The following PCBP3 variants were observed in gnomAD, a reference collection of about 807,000 sequenced individuals.
The protein encoded by PCBP3 is poly(rC) binding protein 3.
Under a neutral mutation model 52.7 loss-of-function variants are expected in PCBP3, and 25 were observed. The ratio of observed to expected loss-of-function variants is 0.47; its 90% CI spans 0.35 to 0.66. The LOEUF is 0.66. Among genes scored for constraint, PCBP3 ranks in the 30% least tolerant of loss-of-function variants. The pLI, the probability that PCBP3 is intolerant of heterozygous loss-of-function variation, is 0.01. For synonymous variants in PCBP3, 162 were observed against 183.0 expected (o/e 0.89, Z 0.93); for missense variants, 391 against 490.3 (o/e 0.80, Z 1.91).
At chr21:45,776,551 G>T (rs781118754) in intron 4 of PCBP3, among the ~76,000 whole-genome samples, 33 of 150,664 alleles carry the variant, frequency 2.2e-4, no homozygotes, top group Non-Finnish European at 2.8e-4. Context: ...ATGCTCTGGT[G>T]TTGGGTATAT....
intron 4 of PCBP3, among the ~76,000 whole-genome samples, chr21:45,756,906 A>G (rs1012974090): frequency 4.6e-5 from 7 of 152,110 alleles, no homozygotes; most frequent in Non-Finnish European, 1.5e-5. Flanking sequence ...ATTATAGTTG[A>G]CGGGTATTTA....
At chr21:45,847,825 T>G (rs906513464) in intron 4 of PCBP3, among the ~76,000 whole-genome samples, 14 of 152,228 alleles carry the variant, frequency 9.2e-5, no homozygotes, top group Admixed American at 8.5e-4. Context: ...TTCAAGTACA[T>G]GATGAGCCTT....
intron 5 of PCBP3, among the ~76,000 whole-genome samples, chr21:45,870,479 C>T (rs533514718): frequency 6.4e-4 from 98 of 152,336 alleles, no homozygotes; most frequent in African/African-American, 2.1e-3. Flanking sequence ...GCAGGGAGGC[C>T]GGGAGCTGCG....
intron 4 of PCBP3, among the ~76,000 whole-genome samples, chr21:45,840,784 T>C (rs574935343): frequency 6.6e-6 from 1 of 152,286 alleles, no homozygotes; most frequent in East Asian, 1.9e-4. Flanking sequence ...CTGGCTAATT[T>C]TAAATTTTTT....
chr21:45,760,205 GCC>G (rs2088489859), intron 4 of PCBP3: 11 of 152,228 alleles, frequency 7.2e-5, no homozygotes, highest in Admixed American at 5.2e-4. Context: ...TCACCACGTT[GCC>G]CAGGCTGGAG....
chr21:45,857,229 C>T (rs1222893536), intron 5 of PCBP3, among the ~76,000 whole-genome samples: 1 of 152,142 alleles, frequency 6.6e-6, no homozygotes, highest in Non-Finnish European at 1.5e-5. Context: ...GGCAAAGAAA[C>T]ATGTTTTGGG....
At chr21:45,739,586 G>GAC (rs2086237755) in intron 3 of PCBP3, among the ~76,000 whole-genome samples, 1 of 28,010 alleles carries the variant, frequency 3.6e-5, no homozygotes, top group Non-Finnish European at 6.1e-5. Flanking sequence ...TCCTCTGGGT[G>GAC]CCCCCCCCCA....
chr21:45,707,827 G>A (rs1404361327), intron 2 of PCBP3, among the ~76,000 whole-genome samples: 2 of 152,152 alleles, frequency 1.3e-5, no homozygotes, highest in Non-Finnish European at 2.9e-5. Flanking sequence ...TCACTGGCAC[G>A]TGCAGACAAT....
chr21:45,673,463 A>G (rs772157137), intron 2 of PCBP3: 4 of 152,222 alleles, frequency 2.6e-5, no homozygotes, highest in Non-Finnish European at 5.9e-5. Flanking sequence ...AACATTTTTG[A>G]TGAAGAGAAG....
chr21:45,708,662 G>T (rs536305387), intron 2 of PCBP3, among the ~76,000 whole-genome samples: 1 of 152,240 alleles, frequency 6.6e-6, no homozygotes, highest in Non-Finnish European at 1.5e-5. Context: ...TGCAGCAGGG[G>T]TGGGAGTTAA....
intron 2 of PCBP3, among the ~76,000 whole-genome samples, chr21:45,695,905 C>G (rs1040073471): frequency 1.3e-5 from 2 of 151,760 alleles, no homozygotes; most frequent in African/African-American, 4.8e-5. Context: ...ATGGTGAAAT[C>G]CCGTCTCTAC....
intron 5 of PCBP3, among the ~76,000 whole-genome samples, chr21:45,857,940 C>T (rs988476675): frequency 9.2e-5 from 14 of 152,116 alleles, no homozygotes; most frequent in Admixed American, 2.0e-4. Flanking sequence ...GGGAGAGGCT[C>T]GCAGAGGGCA....
intron 4 of PCBP3, among the ~76,000 whole-genome samples, chr21:45,833,422 A>G (rs1431464987): frequency 6.6e-6 from 1 of 152,214 alleles, no homozygotes; most frequent in Non-Finnish European, 1.5e-5. Context: ...GCACAACCTT[A>G]GAACCTAAAA....
rs568273588 is a variant in PCBP3 at position 45,941,902 on chromosome 21, G to A, written c.*196G>A. 35 of 438,266 alleles carry A rather than the reference G, an allele frequency of 8.0e-5. No homozygotes were observed. In the South Asian group the frequency reaches 1.1e-3, roughly 14 times the overall value. 27.1% of individuals were successfully genotyped at this position (438,266 alleles called of 1,614,324 possible). On this transcript the variant is annotated 3_prime_UTR_variant, in exon 18 of 18. Transcript: ENST00000681687. ...CTCTACAGAGGCTGCAGGCTCCGCC[G>A]AGTCCCCCCTCAGTGTTATTTTATT...
chr21:45,933,743 G>A (rs1280823635), intron 15 of PCBP3, among the ~76,000 whole-genome samples: 4 of 152,028 alleles, frequency 2.6e-5, no homozygotes, highest in South Asian at 2.1e-4. Context: ...TGTGCTGGAC[G>A]GTCCCACAGG....
At chr21:45,681,626 A>G (rs772524067) in intron 2 of PCBP3, among the ~76,000 whole-genome samples, 7 of 152,376 alleles carry the variant, frequency 4.6e-5, no homozygotes, top group Admixed American at 1.3e-4. Flanking sequence ...ATTGTAAGTC[A>G]GGGAATTGCT....
At chr21:45,918,090 A>ACGG in intron 13 of PCBP3, 1 of 233,572 alleles carries the variant, frequency 4.3e-6, no homozygotes, top group Non-Finnish European at 8.5e-6. Flanking sequence ...TCCACATGAA[A>ACGG]ACATAGGGTC....
In PCBP3 at chr21:45,785,105, C is replaced by T. The variant is rs1484889614; in HGVS notation, c.-126+29653C>T. 2.6e-5 allele frequency among the ~76,000 whole-genome samples: 4 copies of T among 151,838 alleles called. No homozygotes were observed. In the East Asian group the frequency reaches 5.9e-4, roughly 22 times the overall value. The stretch of plus-strand genomic sequence containing the variant: ...CCGGGATGTGAGGAGCATCTCTGCC[C>T]GGCCGCCCCGTCTGAAAAGTGAGGA... On this transcript the variant is annotated intron_variant, in intron 4 of 17. Coordinates refer to ENST00000681687, the MANE Select transcript of PCBP3 (RefSeq NM_001384156.1).
At position 45,817,595 on chromosome 21, in the gene PCBP3, G is replaced by A. The variant is rs555858231; in HGVS notation, c.-125-32366G>A. Among the ~76,000 whole-genome samples, 4 of 152,352 alleles carry A rather than the reference G, an allele frequency of 2.6e-5. No individual in the cohort carries two copies. Among genetic ancestry groups the A allele is most frequent in the Admixed American group, 6.5e-5 (1 of 15,308 alleles). On this transcript the variant is annotated intron_variant, in intron 4 of 17. Transcript: ENST00000681687. The surrounding 1 kb of genome is among the most constrained non-coding windows in gnomAD (Gnocchi z 4.3). ...CAGCTTGTGTGTGTGCTGCACTGCC[G>A]TGAGCAGCAACTTGACAGTGGACGC...
Sources: gnomAD v4.1 joint callset for allele counts (sites outside exome capture counted in the v4.1 genomes callset) on GRCh38, gnomAD v4.1.1 for gene constraint, Gnocchi (gnomAD v3.1) non-coding constraint, MANE v1.5 for transcripts, NCBI Gene and HGNC (gene_info 2026-07-23, HGNC 2026-07-21) for gene names.